Variants in GALNTL6 observed in about 807,000 individuals in gnomAD.
The protein encoded by GALNTL6 is polypeptide N-acetylgalactosaminyltransferase like 6, also known as polypeptide N-acetylgalactosaminyltransferase-like 6.
A neutral mutation model predicts 73.7 loss-of-function variants in GALNTL6; 46 were observed. The ratio of observed to expected loss-of-function variants is 0.62; its 90% CI spans 0.49 to 0.80. The LOEUF (loss-of-function observed/expected upper bound fraction) is 0.80. Among genes scored for constraint, GALNTL6 ranks in the 30% least tolerant of loss-of-function variants. The probability of loss-of-function intolerance (pLI) is 0.00; values close to 1 mark genes in which losing one functional copy is unlikely to be tolerated. For missense variants in GALNTL6, 604 were observed against 755.0 expected (o/e 0.80, Z 2.34); for synonymous variants, 259 against 263.7 (o/e 0.98, Z 0.17).
At chr4:172,390,719 A>G (rs937838404) in intron 5 of GALNTL6, among the ~76,000 whole-genome samples, 4 of 152,250 alleles carry the variant, frequency 2.6e-5, no homozygotes, top group Admixed American at 1.3e-4. Context: ...CCAGAAAATA[A>G]TAAATATAAC....
In GALNTL6 at chr4:172,687,591, G is replaced by A. The variant is rs187677341; in HGVS notation, c.554-121770G>A. ...TGCAGTGAGCCAAGATCGCGCCACT[G>A]CACTCCAGCCTGAGCGACAAGGCAA... On this transcript the variant is annotated intron_variant, in intron 5 of 12. Coordinates refer to ENST00000506823, the MANE Select transcript of GALNTL6 (RefSeq NM_001034845.3). 7.2e-3 allele frequency among the ~76,000 whole-genome samples: 1,030 copies of A among 143,294 alleles called. 7 individuals are homozygous for A. Among genetic ancestry groups the A allele is most frequent in the Middle Eastern group, 0.039 (10 of 258 alleles). The allele number at this position is 143,294 out of a possible 152,430, so 94.0% of individuals were successfully genotyped here. A position where few individuals can be genotyped will look rare whatever the true frequency, so the allele number is the denominator to read the frequency against.
chr4:171,845,339 C>T (rs150798298), intron 2 of GALNTL6, among the ~76,000 whole-genome samples: 8 of 151,992 alleles, frequency 5.3e-5, no homozygotes, highest in Admixed American at 2.6e-4. Flanking sequence ...AGTTCTGGAC[C>T]GAAAGAAAAA....
intron 3 of GALNTL6, among the ~76,000 whole-genome samples, chr4:172,244,236 T>C (rs1188949442): frequency 6.6e-6 from 1 of 152,134 alleles, no homozygotes; most frequent in African/African-American, 2.4e-5. Flanking sequence ...GAAAAGAGAT[T>C]GTGAGCATTC....
At chr4:172,829,288 A>C (rs575913781) in intron 7 of GALNTL6, among the ~76,000 whole-genome samples, 28 of 152,294 alleles carry the variant, frequency 1.8e-4, no homozygotes, top group African/African-American at 6.5e-4. Flanking sequence ...CTGGAACTTC[A>C]CACAGTGACT....
At chr4:172,244,895 C>A (rs1007103469) in intron 3 of GALNTL6, among the ~76,000 whole-genome samples, 1 of 152,170 alleles carries the variant, frequency 6.6e-6, no homozygotes, top group Non-Finnish European at 1.5e-5. Flanking sequence ...TTGCAAAAAT[C>A]CCTTTCATGT....
chr4:172,567,160 G>A (rs1311222141), intron 5 of GALNTL6, among the ~76,000 whole-genome samples: 2 of 151,790 alleles, frequency 1.3e-5, no homozygotes, highest in Non-Finnish European at 2.9e-5. Flanking sequence ...AGCCTGAAAA[G>A]TTCATCTTCA....
At chr4:172,932,402 C>T (rs1748393350) in intron 9 of GALNTL6, among the ~76,000 whole-genome samples, 1 of 152,140 alleles carries the variant, frequency 6.6e-6, no homozygotes, top group African/African-American at 2.4e-5. Context: ...TTTTCTTTTA[C>T]AGTGAATCTT....
Position 172,070,216 on chromosome 4 carries a change from T to G in GALNTL6, c.139-159440T>G, listed in dbSNP as rs368252025. 1.5e-4 allele frequency among the ~76,000 whole-genome samples: 17 copies of G among 110,804 alleles called. 4 individuals carry two copies. The East Asian group carries it at 2.3e-3, about 15-fold the overall frequency. 72.7% of individuals were successfully genotyped at this position (110,804 alleles called of 152,430 possible). ...TCATACTATTGTTCATAGCTGCTTA[T>G]TGGCATTTCAGATTTGGGAATTTGT... On this transcript the variant is annotated intron_variant, in intron 2 of 12. Coordinates refer to ENST00000506823, the MANE Select transcript of GALNTL6 (RefSeq NM_001034845.3).
chr4:172,433,582 A>G (rs963973155), intron 5 of GALNTL6, among the ~76,000 whole-genome samples: 13 of 152,252 alleles, frequency 8.5e-5, no homozygotes, highest in Non-Finnish European at 1.3e-4. Flanking sequence ...AGATGTTAAA[A>G]TATCAACTAC....
intron 5 of GALNTL6, among the ~76,000 whole-genome samples, chr4:172,553,218 C>T (rs961306): frequency 0.83 from 126,678 of 152,176 alleles, 52,857 homozygotes; most frequent in Non-Finnish European, 0.87. Context: ...TGTGAATTAC[C>T]AGTTTCTTCC....
At chr4:172,267,581 T>C (rs1387073728) in intron 3 of GALNTL6, among the ~76,000 whole-genome samples, 1 of 152,138 alleles carries the variant, frequency 6.6e-6, no homozygotes, top group African/African-American at 2.4e-5. Context: ...TAGAATCTAT[T>C]TCTTTCCTAC....
intron 2 of GALNTL6, among the ~76,000 whole-genome samples, chr4:171,839,678 C>CAA (rs35550994): frequency 1.6e-3 from 222 of 139,522 alleles, no homozygotes; most frequent in Admixed American, 3.3e-3. Context: ...AGGATTGCAG[C>CAA]AAAAAAAAAA....
chr4:172,897,831 G>T (rs1038575986), intron 8 of GALNTL6, among the ~76,000 whole-genome samples: 9 of 152,148 alleles, frequency 5.9e-5, no homozygotes, highest in Non-Finnish European at 1.3e-4. Context: ...TGCCATTTTG[G>T]TGATGTTGCT....
At chr4:172,256,088 C>T (rs192877263) in intron 3 of GALNTL6, among the ~76,000 whole-genome samples, 10 of 151,438 alleles carry the variant, frequency 6.6e-5, no homozygotes, top group Non-Finnish European at 1.0e-4. Flanking sequence ...ATATGTTATG[C>T]GCATTTAAAT....
chr4:172,605,806 G>T (rs1738233756), intron 5 of GALNTL6, among the ~76,000 whole-genome samples: 1 of 151,922 alleles, frequency 6.6e-6, no homozygotes, highest in Non-Finnish European at 1.5e-5. Flanking sequence ...GAGGAGGCTG[G>T]ATTTAATACG....
chr4:172,267,821 C>T lies in GALNTL6; in HGVS notation c.247+38057C>T, dbSNP rs531761126. 9.0e-4 allele frequency among the ~76,000 whole-genome samples: 137 copies of T among 152,108 alleles called. 1 individual carries two copies. The highest frequency in any genetic ancestry group is 3.0e-3 in the African/African-American group (125 of 41,508). On this transcript the variant is annotated intron_variant, in intron 3 of 12. Transcript: ENST00000506823. Reference sequence around the variant, plus strand: ...TTCTTGGAAGTATATGAATTCCAAGCAAAACTACATCTAAACATTAGTGGA... The same window carrying T: ...TTCTTGGAAGTATATGAATTCCAAGTAAAACTACATCTAAACATTAGTGGA...
chr4:172,335,583 T>A (rs1388957653), intron 4 of GALNTL6, among the ~76,000 whole-genome samples: 2 of 152,186 alleles, frequency 1.3e-5, no homozygotes, highest in African/African-American at 4.8e-5. Context: ...CCAGGGCTTT[T>A]TTGGTTGACA....
intron 5 of GALNTL6, among the ~76,000 whole-genome samples, chr4:172,729,566 A>T (rs1003702688): frequency 1.3e-5 from 2 of 151,946 alleles, no homozygotes; most frequent in Non-Finnish European, 2.9e-5. Flanking sequence ...TTATATCTGG[A>T]TTCTCTATTC....
intron 10 of GALNTL6, among the ~76,000 whole-genome samples, chr4:172,995,842 T>A (rs2126465569): frequency 6.6e-6 from 1 of 152,334 alleles, no homozygotes; most frequent in South Asian, 2.1e-4. Context: ...TTTCAAAACA[T>A]AACATTGTCA....
Sources: gnomAD v4.1 joint callset for allele counts (sites outside exome capture counted in the v4.1 genomes callset) on GRCh38, gnomAD v4.1.1 for gene constraint, MANE v1.5 for transcripts, NCBI Gene and HGNC (gene_info 2026-07-23, HGNC 2026-07-21) for gene names.